RAB9B: variants seen among roughly 807,000 people sequenced by gnomAD.
RAB9B encodes ras-related protein Rab-9B.
A neutral mutation model predicts 8.9 loss-of-function variants in RAB9B; 1 was observed. That is an observed-to-expected ratio of 0.11 (90% CI 0.04 to 0.53). The LOEUF (loss-of-function observed/expected upper bound fraction) is 0.53. Among genes scored for constraint, RAB9B ranks in the 20% least tolerant of loss-of-function variants. The pLI is 0.93. For synonymous variants in RAB9B, 63 were observed against 57.0 expected, an observed-to-expected ratio of 1.10 and a Z score of -0.47; for missense variants, 82 against 152.9, an observed-to-expected ratio of 0.54 and a Z score of 2.45.
the RAB9B span, among the ~76,000 whole-genome samples, chrX:103,782,982 T>C: frequency 8.9e-6 from 1 of 112,318 alleles, no homozygotes; most frequent in Non-Finnish European, 1.9e-5. Flanking sequence ...TTCAGAGACT[T>C]TCTTTACTAG....
At chrX:103,812,492 G>A in the RAB9B span, among the ~76,000 whole-genome samples, 1 of 111,727 alleles carries the variant, frequency 9.0e-6, no homozygotes, top group Non-Finnish European at 1.9e-5. Flanking sequence ...ATTTAGTATG[G>A]ACACTTAGAT....
the RAB9B span, chrX:103,786,616 G>A: frequency 8.3e-7 from 1 of 1,211,595 alleles, no homozygotes; most frequent in Non-Finnish European, 1.1e-6. Flanking sequence ...GGGCCTGAGC[G>A]CAACGGTAAC....
chrX:103,788,548 C>G, the RAB9B span: 28 of 985,701 alleles, frequency 2.8e-5, no homozygotes, highest in Non-Finnish European at 4.1e-5. Flanking sequence ...AAGGGAGTAG[C>G]TAATACCATA....
chrX:103,787,620 C>T, the RAB9B span: 1 of 482,555 alleles, frequency 2.1e-6, no homozygotes, highest in African/African-American at 2.4e-5. Flanking sequence ...GGCCAGTTAT[C>T]TAGTAGATAC....
At chrX:103,810,624 C>T in the RAB9B span, among the ~76,000 whole-genome samples, 2 of 112,002 alleles carry the variant, frequency 1.8e-5, no homozygotes, top group Non-Finnish European at 3.8e-5. Flanking sequence ...ATAGCTGTCT[C>T]GCTAGTCACC....
the RAB9B span, chrX:103,790,780 T>C: frequency 2.1e-6 from 1 of 471,793 alleles, no homozygotes. Flanking sequence ...TCCCCTCTTA[T>C]GTACCTCTTT....
In RAB9B at chrX:103,822,481, G is replaced by C. The variant is rs1372187498; in HGVS notation, c.*2698C>G. On this transcript the variant is annotated 3_prime_UTR_variant, in exon 3 of 3. Coordinates refer to ENST00000243298, the MANE Select transcript of RAB9B (RefSeq NM_016370.4). ...CTCAGAATAAAGTAGAGATGGCTGG[G>C]GCAGGCACAAATTAACCTGATATTC... The C allele has an allele frequency of 9.0e-6, 1 of 111,278 alleles. No individual in the cohort carries two copies. The highest frequency in any genetic ancestry group is 1.9e-5 in the Non-Finnish European group (1 of 53,062). The allele number at this position is 111,278 out of a possible 1,213,427, so 9.2% of individuals were successfully genotyped here.
At chrX:103,802,876 T>C in the RAB9B span, among the ~76,000 whole-genome samples, 3 of 111,285 alleles carry the variant, frequency 2.7e-5, no homozygotes, top group East Asian at 2.8e-4. Context: ...CTTCTGTCTC[T>C]GTGGATTTGT....
chrX:103,817,942 T>C (rs984094142), downstream of RAB9B, among the ~76,000 whole-genome samples: 6 of 111,527 alleles, frequency 5.4e-5, no homozygotes, highest in African/African-American at 2.0e-4. Flanking sequence ...CACCTCTCTT[T>C]CCCCAACCCA....
chrX:103,818,375 G>C (rs2074647701), downstream of RAB9B, among the ~76,000 whole-genome samples: 1 of 111,393 alleles, frequency 9.0e-6, no homozygotes, highest in Non-Finnish European at 1.9e-5. Flanking sequence ...TGTCATTTGG[G>C]ATAAGTTTCT....
the RAB9B span, among the ~76,000 whole-genome samples, chrX:103,796,838 C>A: frequency 4.4e-4 from 38 of 85,741 alleles, no homozygotes; most frequent in Non-Finnish European, 7.3e-4. Flanking sequence ...AAGCGAGACA[C>A]CGCCTCTACA....
rs750336380 is a variant in RAB9B, at chrX:103,823,858, T to G, written c.*1321A>C. On this transcript the variant is annotated 3_prime_UTR_variant, in exon 3 of 3. Transcript: ENST00000243298. Reference sequence around the variant, plus strand: ...TGTTAAAGATTGATCACAGAATGGTTTGAGAATTTTTAAAGTCCCTCTCCA... The same window carrying G: ...TGTTAAAGATTGATCACAGAATGGTGTGAGAATTTTTAAAGTCCCTCTCCA... 1.8e-5 allele frequency: 2 copies of G among 112,324 alleles called. No individual in the cohort carries two copies. The highest frequency in any genetic ancestry group is 3.8e-5 in the Non-Finnish European group (2 of 53,273). The allele number at this position is 112,324 out of a possible 1,213,427, so 9.3% of individuals were successfully genotyped here.
chrX:103,786,394 T>C, the RAB9B span: 89 of 1,125,712 alleles, frequency 7.9e-5, no homozygotes, highest in Non-Finnish European at 1.0e-4. Context: ...ATACCTCACT[T>C]ATGTCGGGAA....
the RAB9B span, among the ~76,000 whole-genome samples, chrX:103,810,934 C>T: frequency 9.0e-6 from 1 of 111,398 alleles, no homozygotes; most frequent in Non-Finnish European, 1.9e-5. Flanking sequence ...CACTGAAAAA[C>T]CTGGGGATAT....
At chrX:103,813,673 C>A in the RAB9B span, among the ~76,000 whole-genome samples, 1 of 96,141 alleles carries the variant, frequency 1.0e-5, no homozygotes, top group East Asian at 3.3e-4. Context: ...TCAGGAGACC[C>A]ATCTCATGTG....
chrX:103,779,087 G>A, the RAB9B span, among the ~76,000 whole-genome samples: 2 of 112,508 alleles, frequency 1.8e-5, no homozygotes, highest in South Asian at 3.7e-4. Context: ...GATTTATGGG[G>A]AAAATGATAG....
chrX:103,813,125 G>T, the RAB9B span, among the ~76,000 whole-genome samples: 2 of 109,298 alleles, frequency 1.8e-5, no homozygotes, highest in East Asian at 2.9e-4. Context: ...GTTTCACCGT[G>T]TTGGCCAGGA....
At chrX:103,779,494 C>T in the RAB9B span, among the ~76,000 whole-genome samples, 2 of 112,200 alleles carry the variant, frequency 1.8e-5, no homozygotes, top group Non-Finnish European at 3.8e-5. Flanking sequence ...AACCAGATCC[C>T]AGCCAGCATG....
At chrX:103,796,962 G>A in the RAB9B span, among the ~76,000 whole-genome samples, 2 of 107,587 alleles carry the variant, frequency 1.9e-5, no homozygotes, top group Non-Finnish European at 3.8e-5. Context: ...CAGAGGCTGC[G>A]GGTGCAGTGA....
Sources: gnomAD v4.1 joint callset for allele counts (sites outside exome capture counted in the v4.1 genomes callset) on GRCh38, gnomAD v4.1.1 for gene constraint, MANE v1.5 for transcripts, NCBI Gene and HGNC (gene_info 2026-07-23, HGNC 2026-07-21) for gene names.